THRB: variants seen among roughly 807,000 people sequenced by gnomAD.
The protein encoded by THRB is thyroid hormone receptor beta.
THRB carries 12 observed loss-of-function variants against 47.8 expected under a neutral mutation model. That is an observed-to-expected ratio of 0.25 (90% CI 0.16 to 0.41). The LOEUF is 0.41. Among genes scored for constraint, THRB ranks in the 10% least tolerant of loss-of-function variants. THRB has a pLI of 1.00. For synonymous variants in THRB, 218 were observed against 212.2 expected, an observed-to-expected ratio of 1.03 and a Z score of -0.24; for missense variants, 348 against 589.2, an observed-to-expected ratio of 0.59 and a Z score of 4.24.
chr3:24,431,936 C>T (rs1474016576), intron 1 of THRB, among the ~76,000 whole-genome samples: 1 of 151,904 alleles, frequency 6.6e-6, no homozygotes, highest in Non-Finnish European at 1.5e-5. Flanking sequence ...CACAGACAAG[C>T]CAAATTTTAG....
At chr3:24,388,098 G>T (rs913980225) in intron 1 of THRB, among the ~76,000 whole-genome samples, 1 of 152,022 alleles carries the variant, frequency 6.6e-6, no homozygotes, top group African/African-American at 2.4e-5. Context: ...GAGGGTGGCT[G>T]ACTCTGATGC....
intron 3 of THRB, among the ~76,000 whole-genome samples, chr3:24,265,260 TCTGATC>T (rs2052530803): frequency 6.6e-6 from 1 of 152,162 alleles, no homozygotes. Context: ...CCCAGGCCTT[TCTGATC>T]CTGGAGTTTG....
chr3:24,393,064 A>T (rs2066698386), intron 1 of THRB, among the ~76,000 whole-genome samples: 1 of 152,132 alleles, frequency 6.6e-6, no homozygotes. Context: ...CAGACTTCTG[A>T]GTTTTTTTCT....
At chr3:24,177,164 AACAGTATCCCAC>A (rs1396809065) in intron 5 of THRB, among the ~76,000 whole-genome samples, 1 of 152,196 alleles carries the variant, frequency 6.6e-6, no homozygotes, top group East Asian at 1.9e-4. Flanking sequence ...GCAAGCAGAA[AACAGTATCCCAC>A]ACACTGAATA....
At chr3:24,307,514 AGT>A (rs1385984234) in intron 2 of THRB, among the ~76,000 whole-genome samples, 3 of 152,152 alleles carry the variant, frequency 2.0e-5, no homozygotes, top group Non-Finnish European at 4.4e-5. Context: ...GACTTTATAT[AGT>A]TCACCATGTA....
intron 4 of THRB, among the ~76,000 whole-genome samples, chr3:24,204,941 G>C (rs1282201046): frequency 2.0e-5 from 3 of 152,154 alleles, no homozygotes; most frequent in Non-Finnish European, 2.9e-5. Context: ...AGCAAGAAGA[G>C]AAGTTTAGAG....
chr3:24,214,700 C>T (rs1202330056), intron 4 of THRB, among the ~76,000 whole-genome samples: 1 of 152,120 alleles, frequency 6.6e-6, no homozygotes, highest in African/African-American at 2.4e-5. Flanking sequence ...ATTTACTGCC[C>T]TTCTGGTCCT....
intron 2 of THRB, among the ~76,000 whole-genome samples, chr3:24,314,660 T>C (rs2057991766): frequency 6.6e-6 from 1 of 152,210 alleles, no homozygotes; most frequent in Non-Finnish European, 1.5e-5. Flanking sequence ...ATAGCTGTAA[T>C]CACTCCTGCA....
chr3:24,129,466 G>A (rs1419128142), intron 9 of THRB, among the ~76,000 whole-genome samples: 3 of 152,218 alleles, frequency 2.0e-5, no homozygotes, highest in Non-Finnish European at 4.4e-5. Context: ...TCTGATTATA[G>A]ATGAAGTAGA....
chr3:24,479,102 T>G (rs988178981), intron 1 of THRB, among the ~76,000 whole-genome samples: 1 of 151,904 alleles, frequency 6.6e-6, no homozygotes, highest in Admixed American at 6.6e-5. Context: ...ATCGAGACCA[T>G]CCTGGCTAAC....
intron 3 of THRB, among the ~76,000 whole-genome samples, chr3:24,241,541 T>C (rs761330113): frequency 8.5e-5 from 13 of 152,146 alleles, no homozygotes; most frequent in African/African-American, 1.2e-4. Flanking sequence ...CACCCTTCCT[T>C]GGATGGTGGC....
intron 5 of THRB, among the ~76,000 whole-genome samples, chr3:24,186,791 C>A (rs906475084): frequency 6.6e-6 from 1 of 151,830 alleles, no homozygotes; most frequent in Admixed American, 6.6e-5. Flanking sequence ...ACTAAAAATA[C>A]AAAAATTAGC....
intron 2 of THRB, among the ~76,000 whole-genome samples, chr3:24,313,459 A>G (rs1375111147): frequency 2.6e-5 from 4 of 152,196 alleles, no homozygotes; most frequent in Non-Finnish European, 4.4e-5. Context: ...CCACGGGACT[A>G]AATGTTCACA....
chr3:24,457,664 C>A (rs2073314288), intron 1 of THRB, among the ~76,000 whole-genome samples: 1 of 152,258 alleles, frequency 6.6e-6, no homozygotes, highest in Admixed American at 6.5e-5. Flanking sequence ...TCTCAGAGTG[C>A]TTTCATCTTT....
intron 1 of THRB, among the ~76,000 whole-genome samples, chr3:24,427,059 C>G (rs2069841274): frequency 6.6e-6 from 1 of 151,904 alleles, no homozygotes; most frequent in South Asian, 2.1e-4. Flanking sequence ...AGTTTGAAAT[C>G]CTTCCATTCA....
At chr3:24,156,559 C>A (rs1257455556) in intron 5 of THRB, among the ~76,000 whole-genome samples, 1 of 152,178 alleles carries the variant, frequency 6.6e-6, no homozygotes, top group Non-Finnish European at 1.5e-5. Flanking sequence ...CAGAACCAGT[C>A]CTGGCATCTT....
In THRB at chr3:24,122,176, ATTTCTCTGGGCTC is replaced by A. The variant is rs2031805348; in HGVS notation, c.*695_*707del. 6.5e-6 allele frequency: 1 copy of A among 152,942 alleles called. No individual in the cohort carries two copies. The highest frequency in any genetic ancestry group is 1.5e-5 in the Non-Finnish European group (1 of 68,280). 9.5% of individuals were successfully genotyped at this position (152,942 alleles called of 1,614,324 possible). On this transcript the variant is annotated 3_prime_UTR_variant, in exon 11 of 11. Coordinates refer to ENST00000646209, the MANE Select transcript of THRB (RefSeq NM_001354712.2). ...TCACTGACATTGGTGAAGATTTCTA[ATTTCTCTGGGCTC>A]ACTGAAAAAAAATATTTTCCTTGTT...
In THRB at chr3:24,169,686, T is replaced by TTA. The variant is rs942487638; in HGVS notation, c.284-17198_284-17197dup. ...TACATAATAATTATAATAATATATA[T>TTA]TATATATATATATTATAATATATAT... On this transcript the variant is annotated intron_variant, in intron 5 of 10. Coordinates refer to ENST00000646209, the MANE Select transcript of THRB (RefSeq NM_001354712.2). 7.9e-4 allele frequency among the ~76,000 whole-genome samples: 116 copies of TTA among 147,276 alleles called. 1 individual carries two copies. Among genetic ancestry groups the TTA allele is most frequent in the South Asian group, 2.3e-3 (11 of 4,710 alleles).
At chr3:24,235,982 T>C (rs181081038) in intron 3 of THRB, among the ~76,000 whole-genome samples, 16 of 152,254 alleles carry the variant, frequency 1.1e-4, no homozygotes, top group Admixed American at 3.3e-4. Context: ...CTGTCCCCAC[T>C]TGAGCCTTCC....
Sources: gnomAD v4.1 joint callset for allele counts (sites outside exome capture counted in the v4.1 genomes callset) on GRCh38, gnomAD v4.1.1 for gene constraint, MANE v1.5 for transcripts, NCBI Gene and HGNC (gene_info 2026-07-23, HGNC 2026-07-21) for gene names.